Variants in HEMK2 observed in about 807,000 individuals in gnomAD.
HEMK2 encodes methyltransferase HEMK2.
chr21:28,770,469 C>A, the HEMK2 span, among the ~76,000 whole-genome samples: 1 of 152,066 alleles, frequency 6.6e-6, no homozygotes, highest in Non-Finnish European at 1.5e-5. Flanking sequence ...GATACTGAGA[C>A]CTTTCCAAGT....
the HEMK2 span, among the ~76,000 whole-genome samples, chr21:28,697,450 T>C: frequency 9.2e-5 from 14 of 152,172 alleles, no homozygotes; most frequent in Admixed American, 3.9e-4. Flanking sequence ...ACTATCAGCA[T>C]TTTGGTCAAA....
the HEMK2 span, chr21:28,885,149 C>T: frequency 1.4e-6 from 2 of 1,471,880 alleles, no homozygotes; most frequent in Non-Finnish European, 1.8e-6. Context: ...TCCGGCCCTC[C>T]TCCACCGCAC....
At chr21:28,760,807 G>C in the HEMK2 span, among the ~76,000 whole-genome samples, 6 of 152,072 alleles carry the variant, frequency 3.9e-5, no homozygotes, top group African/African-American at 1.4e-4. Context: ...ACAGTGTTTT[G>C]ACAAAGCCAA....
the HEMK2 span, among the ~76,000 whole-genome samples, chr21:28,604,548 TGGGTGAAGA>T: frequency 1.7e-3 from 259 of 152,080 alleles, 1 homozygote; most frequent in African/African-American, 6.0e-3. Context: ...ATGTCTAGAG[TGGGTGAAGA>T]TAGAAATGTC....
chr21:28,731,940 G>A, the HEMK2 span, among the ~76,000 whole-genome samples: 1 of 152,164 alleles, frequency 6.6e-6, no homozygotes. Context: ...CCCACACAGA[G>A]GTGGTGACAT....
the HEMK2 span, among the ~76,000 whole-genome samples, chr21:28,691,701 A>G: frequency 2.0e-5 from 2 of 100,910 alleles, no homozygotes; most frequent in African/African-American, 1.4e-4. Context: ...TTGGCAAGAG[A>G]TAGTGATGTT....
the HEMK2 span, among the ~76,000 whole-genome samples, chr21:28,776,424 A>T: frequency 6.6e-6 from 1 of 152,230 alleles, no homozygotes; most frequent in African/African-American, 2.4e-5. Context: ...GCTGTGTATA[A>T]TCCTATTCTG....
At chr21:28,843,057 T>C in the HEMK2 span, among the ~76,000 whole-genome samples, 1 of 152,276 alleles carries the variant, frequency 6.6e-6, no homozygotes, top group Admixed American at 6.5e-5. Flanking sequence ...ATAAGAAAAG[T>C]AAATGTTCAT....
At chr21:28,800,269 G>A in the HEMK2 span, among the ~76,000 whole-genome samples, 6 of 151,986 alleles carry the variant, frequency 3.9e-5, no homozygotes, top group South Asian at 2.1e-4. Flanking sequence ...TGAAATTCTC[G>A]CACTACACAA....
the HEMK2 span, among the ~76,000 whole-genome samples, chr21:28,777,198 A>G: frequency 6.6e-6 from 1 of 152,220 alleles, no homozygotes; most frequent in Non-Finnish European, 1.5e-5. Flanking sequence ...ATGGCAATGA[A>G]GCAGCAAAGC....
the HEMK2 span, chr21:28,671,419 C>A: frequency 6.6e-6 from 1 of 152,358 alleles, no homozygotes; most frequent in African/African-American, 2.4e-5. Flanking sequence ...CTTTTGCAGG[C>A]AACCTCTTCC....
At chr21:28,703,758 A>C in the HEMK2 span, among the ~76,000 whole-genome samples, 1 of 152,342 alleles carries the variant, frequency 6.6e-6, no homozygotes, top group Non-Finnish European at 1.5e-5. Context: ...GGAACAGGAA[A>C]GAACATTGTT....
chr21:28,802,133 G>T, the HEMK2 span, among the ~76,000 whole-genome samples: 1 of 152,086 alleles, frequency 6.6e-6, no homozygotes, highest in Admixed American at 6.5e-5. Flanking sequence ...CAAGTGCCTA[G>T]CAATAGGGAC....
the HEMK2 span, among the ~76,000 whole-genome samples, chr21:28,774,246 A>G: frequency 3.3e-5 from 5 of 152,198 alleles, no homozygotes; most frequent in African/African-American, 1.2e-4. Context: ...TATTGTCAGG[A>G]TATCTGGAGA....
chr21:28,676,372 C>T, the HEMK2 span, among the ~76,000 whole-genome samples: 6 of 152,120 alleles, frequency 3.9e-5, no homozygotes, highest in Non-Finnish European at 5.9e-5. Context: ...CACAATAGGA[C>T]CTCATTTTAA....
At chr21:28,597,223 T>C in the HEMK2 span, among the ~76,000 whole-genome samples, 1 of 152,104 alleles carries the variant, frequency 6.6e-6, no homozygotes, top group Non-Finnish European at 1.5e-5. Flanking sequence ...GAAGGATAAA[T>C]AGCACATCAA....
At chr21:28,736,596 C>G in the HEMK2 span, among the ~76,000 whole-genome samples, 22 of 152,082 alleles carry the variant, frequency 1.4e-4, no homozygotes, top group Admixed American at 1.4e-3. Context: ...ACCTGTTGGT[C>G]TGTACTAAAA....
the HEMK2 span, among the ~76,000 whole-genome samples, chr21:28,775,990 A>G: frequency 6.6e-6 from 1 of 152,032 alleles, no homozygotes; most frequent in Admixed American, 6.6e-5. Context: ...AAGAGGGAAG[A>G]CAAAATATGC....
the HEMK2 span, among the ~76,000 whole-genome samples, chr21:28,818,274 C>T: frequency 4.5e-3 from 687 of 152,158 alleles, 6 homozygotes; most frequent in African/African-American, 0.016. Flanking sequence ...CAAGTTTTTC[C>T]GCTTTGGGAC....
Sources: allele counts gnomAD v4.1 joint callset (sites outside exome capture counted in the v4.1 genomes callset), GRCh38; gene constraint gnomAD v4.1.1; transcripts MANE v1.5; gene names NCBI Gene and HGNC (gene_info 2026-07-23, HGNC 2026-07-21).